SORCS3: variants seen among roughly 807,000 people sequenced by gnomAD.
SORCS3 encodes sortilin related VPS10 domain containing receptor 3.
SORCS3 carries 57 observed loss-of-function variants against 146.3 expected under a neutral mutation model. The ratio of observed to expected loss-of-function variants is 0.39; its 90% CI spans 0.31 to 0.49. The LOEUF (loss-of-function observed/expected upper bound fraction) is 0.49, where lower values mean the gene tolerates loss of function less well. Among genes scored for constraint, SORCS3 ranks in the 20% least tolerant of loss-of-function variants. The pLI, the probability that SORCS3 is intolerant of heterozygous loss-of-function variation, is 0.92. For missense variants in SORCS3, 1,341 were observed against 1,575.5 expected (o/e 0.85, Z 2.52); for synonymous variants, 653 against 618.5 (o/e 1.06, Z -0.83).
At chr10:104,938,411 G>A (rs970533393) in intron 3 of SORCS3, among the ~76,000 whole-genome samples, 2 of 152,252 alleles carry the variant, frequency 1.3e-5, no homozygotes, top group African/African-American at 2.4e-5. Context: ...TGGGGTTAAA[G>A]CTCCTTCGTA....
chr10:105,129,826 TG>T (rs1393972156), intron 7 of SORCS3, among the ~76,000 whole-genome samples: 1 of 152,132 alleles, frequency 6.6e-6, no homozygotes, highest in African/African-American at 2.4e-5. Context: ...TCAAGTCTCT[TG>T]GAGATCTCTA....
intron 5 of SORCS3, among the ~76,000 whole-genome samples, chr10:105,079,891 G>A (rs967227196): frequency 3.9e-5 from 6 of 152,052 alleles, no homozygotes; most frequent in Non-Finnish European, 8.8e-5. Flanking sequence ...ACCTGATCTT[G>A]TTCTTTTTTA....
Position 104,655,998 on chromosome 10 carries a change from A to AT in SORCS3, c.627+14046dup, listed in dbSNP as rs35864593. On this transcript the variant is annotated intron_variant, in intron 1 of 26. Transcript: ENST00000369701. Reference sequence around the variant, plus strand: ...TGTGAGAATGGACTAACACATCAATATTCAATACATATTTGTGGAGTCCCC... The same window carrying AT: ...TGTGAGAATGGACTAACACATCAATATTTCAATACATATTTGTGGAGTCCCC... 1.1e-3 allele frequency among the ~76,000 whole-genome samples: 165 copies of AT among 152,328 alleles called. 1 individual carries two copies. Among genetic ancestry groups the AT allele is most frequent in the South Asian group, 1.7e-3 (8 of 4,830 alleles).
At chr10:104,671,325 CTTTTTTTTTTTTTT>C (rs771029154) in intron 1 of SORCS3, among the ~76,000 whole-genome samples, 1 of 19,194 alleles carries the variant, frequency 5.2e-5, no homozygotes, top group Non-Finnish European at 8.9e-5. Flanking sequence ...CATTCTTTTC[CTTTTTTTTTTTTTT>C]TTTTTTTTTT....
chr10:104,725,491 T>C (rs2016615834), intron 1 of SORCS3, among the ~76,000 whole-genome samples: 1 of 152,202 alleles, frequency 6.6e-6, no homozygotes, highest in African/African-American at 2.4e-5. Flanking sequence ...GTACCACTAC[T>C]CTCTTCAAAG....
intron 13 of SORCS3, among the ~76,000 whole-genome samples, chr10:105,177,447 A>T (rs1398273551): frequency 6.6e-6 from 1 of 152,176 alleles, no homozygotes; most frequent in East Asian, 1.9e-4. Flanking sequence ...CTCTTCCACT[A>T]GTTACATCTC....
At chr10:104,906,867 G>A (rs974481715) in intron 2 of SORCS3, among the ~76,000 whole-genome samples, 5 of 152,114 alleles carry the variant, frequency 3.3e-5, no homozygotes, top group African/African-American at 1.2e-4. Context: ...AACATTACAA[G>A]TAAATTCAAG....
chr10:104,719,472 A>G (rs2016518357), intron 1 of SORCS3, among the ~76,000 whole-genome samples: 1 of 152,192 alleles, frequency 6.6e-6, no homozygotes, highest in African/African-American at 2.4e-5. Flanking sequence ...CGACTTCTGT[A>G]TTCATCTGAA....
At chr10:104,907,564 A>G (rs1034240956) in intron 2 of SORCS3, among the ~76,000 whole-genome samples, 7 of 152,236 alleles carry the variant, frequency 4.6e-5, no homozygotes, top group African/African-American at 1.4e-4. Context: ...GATCCGAACC[A>G]TGAATTCTGC....
intron 1 of SORCS3, among the ~76,000 whole-genome samples, chr10:104,707,753 G>A (rs1424128691): frequency 3.3e-5 from 5 of 152,202 alleles, no homozygotes; most frequent in Non-Finnish European, 1.5e-5. Flanking sequence ...TAGTTAAAAT[G>A]TATCTGCCTC....
At chr10:104,993,565 C>A (rs758070913) in intron 4 of SORCS3, among the ~76,000 whole-genome samples, 1 of 152,146 alleles carries the variant, frequency 6.6e-6, no homozygotes, top group African/African-American at 2.4e-5. Context: ...CAATATTGGG[C>A]ATGAATGTTT....
intron 1 of SORCS3, among the ~76,000 whole-genome samples, chr10:104,667,097 G>T (rs1421077303): frequency 7.9e-5 from 12 of 152,184 alleles, no homozygotes; most frequent in Admixed American, 7.9e-4. Context: ...GTCATGAAGA[G>T]AACAGACATG....
At chr10:104,963,581 A>G (rs1357557495) in intron 3 of SORCS3, among the ~76,000 whole-genome samples, 4 of 152,032 alleles carry the variant, frequency 2.6e-5, no homozygotes, top group Non-Finnish European at 5.9e-5. Flanking sequence ...ATTTGCTGTC[A>G]TGGTTATCTC....
chr10:105,071,465 G>A (rs139938507), intron 5 of SORCS3, among the ~76,000 whole-genome samples: 16 of 152,340 alleles, frequency 1.1e-4, no homozygotes, highest in South Asian at 2.1e-4. Flanking sequence ...TCCAGATACC[G>A]TGCTAAGCAC....
chr10:104,967,222 C>G (rs564292052), intron 3 of SORCS3, among the ~76,000 whole-genome samples: 62 of 152,286 alleles, frequency 4.1e-4, no homozygotes, highest in Non-Finnish European at 7.8e-4. Flanking sequence ...GGTGTTTACT[C>G]TGGCCGTATT....
intron 4 of SORCS3, among the ~76,000 whole-genome samples, chr10:105,035,352 C>A (rs909145215): frequency 6.6e-6 from 1 of 152,090 alleles, no homozygotes; most frequent in African/African-American, 2.4e-5. Context: ...ATTCGTTTGG[C>A]TTTTGGAGAT....
intron 8 of SORCS3, among the ~76,000 whole-genome samples, chr10:105,141,825 A>C (rs1471890358): frequency 6.6e-6 from 1 of 152,196 alleles, no homozygotes. Flanking sequence ...TGAGCTTATG[A>C]GCAGAGACCC....
At chr10:104,746,358 G>A (rs533646213) in intron 1 of SORCS3, among the ~76,000 whole-genome samples, 4 of 152,060 alleles carry the variant, frequency 2.6e-5, no homozygotes, top group Admixed American at 6.6e-5. Flanking sequence ...GGATGGTCTC[G>A]ATCTCCTGAC....
intron 1 of SORCS3, among the ~76,000 whole-genome samples, chr10:104,775,634 A>C (rs1384891765): frequency 6.6e-6 from 1 of 152,238 alleles, no homozygotes; most frequent in Non-Finnish European, 1.5e-5. Flanking sequence ...CTATAAAGAC[A>C]GAATGACAGA....
Sources: gnomAD v4.1 joint callset for allele counts (sites outside exome capture counted in the v4.1 genomes callset) on GRCh38, gnomAD v4.1.1 for gene constraint, MANE v1.5 for transcripts, NCBI Gene and HGNC (gene_info 2026-07-23, HGNC 2026-07-21) for gene names.